The following RBFOX1 variants were observed in gnomAD, a reference collection of about 807,000 sequenced individuals.
RBFOX1 encodes the protein RNA binding protein fox-1 homolog 1.
Under a neutral mutation model 57.7 loss-of-function variants are expected in RBFOX1, and 8 were observed. The ratio of observed to expected loss-of-function variants is 0.14; its 90% CI spans 0.08 to 0.25. The LOEUF (loss-of-function observed/expected upper bound fraction) is 0.25, where lower values mean the gene tolerates loss of function less well. Among genes scored for constraint, RBFOX1 ranks in the 10% least tolerant of loss-of-function variants. The probability of loss-of-function intolerance (pLI) is 1.00; values close to 1 mark genes in which losing one functional copy is unlikely to be tolerated. For synonymous variants in RBFOX1, 326 were observed against 222.4 expected (o/e 1.47, Z -4.15); for missense variants, 611 against 548.5 (o/e 1.11, Z -1.14).
chr16:7,441,031 C>G (rs549878005), intron 4 of RBFOX1, among the ~76,000 whole-genome samples: 3 of 146,600 alleles, frequency 2.0e-5, no homozygotes, highest in African/African-American at 7.9e-5. Context: ...GACAGAGGAC[C>G]CATTTCTTAA....
At chr16:5,697,104 A>T in intron 3 of RBFOX1, among the ~76,000 whole-genome samples, 1 of 152,110 alleles carries the variant, frequency 6.6e-6, no homozygotes, top group East Asian at 1.9e-4. Context: ...GTGAAGGGGT[A>T]GTTTTTTCTC....
At chr16:6,698,789 A>C (rs1432936882) in intron 3 of RBFOX1, among the ~76,000 whole-genome samples, 4 of 152,176 alleles carry the variant, frequency 2.6e-5, no homozygotes, top group Non-Finnish European at 4.4e-5. Context: ...TCTAAGCATT[A>C]TGCAATGGTG....
chr16:7,055,562 C>A (rs1026076464), intron 4 of RBFOX1, among the ~76,000 whole-genome samples: 2 of 152,130 alleles, frequency 1.3e-5, no homozygotes, highest in Non-Finnish European at 2.9e-5. Flanking sequence ...CTCCTTCACA[C>A]GTCTTGCATT....
At chr16:5,674,685 C>T (rs1162737601) in intron 3 of RBFOX1, among the ~76,000 whole-genome samples, 2 of 152,104 alleles carry the variant, frequency 1.3e-5, no homozygotes, top group South Asian at 2.1e-4. Context: ...TAATACGTGG[C>T]GAATGCATGG....
intron 4 of RBFOX1, among the ~76,000 whole-genome samples, chr16:7,467,476 A>G (rs796066952): frequency 5.3e-5 from 8 of 152,222 alleles, no homozygotes; most frequent in African/African-American, 1.7e-4. Context: ...CAGAGAGAAC[A>G]TTCAACCCTT....
chr16:6,480,075 G>T (rs2095348988), intron 2 of RBFOX1, among the ~76,000 whole-genome samples: 1 of 151,090 alleles, frequency 6.6e-6, no homozygotes, highest in African/African-American at 2.4e-5. Flanking sequence ...AAAATCACTG[G>T]TCTAGAAAAA....
intron 4 of RBFOX1, among the ~76,000 whole-genome samples, chr16:7,180,434 A>C (rs2152517878): frequency 6.6e-6 from 1 of 152,276 alleles, no homozygotes; most frequent in Admixed American, 6.5e-5. Flanking sequence ...ATGCCGGGCA[A>C]GGTGAAGCCC....
At chr16:6,936,237 G>C (rs2077347054) in intron 3 of RBFOX1, among the ~76,000 whole-genome samples, 1 of 152,204 alleles carries the variant, frequency 6.6e-6, no homozygotes, top group East Asian at 1.9e-4. Flanking sequence ...AATAAATTAA[G>C]GGATGCTGGA....
intron 3 of RBFOX1, among the ~76,000 whole-genome samples, chr16:5,756,681 C>T (rs1031923447): frequency 9.2e-5 from 14 of 152,138 alleles, no homozygotes; most frequent in African/African-American, 3.1e-4. Flanking sequence ...CTAATTTCCT[C>T]AATTTGTACT....
chr16:7,445,121 G>A (rs917559693), intron 4 of RBFOX1, among the ~76,000 whole-genome samples: 30 of 151,962 alleles, frequency 2.0e-4, no homozygotes, highest in African/African-American at 6.3e-4. Flanking sequence ...GATGAGGAAT[G>A]TGGTACAGGG....
chr16:6,847,114 C>T (rs1490765541), intron 3 of RBFOX1, among the ~76,000 whole-genome samples: 2 of 152,192 alleles, frequency 1.3e-5, no homozygotes, highest in Non-Finnish European at 1.5e-5. Context: ...TCAGTCAACC[C>T]TGCTCAGAGA....
intron 4 of RBFOX1, among the ~76,000 whole-genome samples, chr16:7,255,606 C>A (rs1260892857): frequency 6.6e-6 from 1 of 151,892 alleles, no homozygotes; most frequent in East Asian, 1.9e-4. Flanking sequence ...TGGGCGTATC[C>A]CTAAGCAAGG....
chr16:7,521,664 C>T (rs199563861), intron 5 of RBFOX1, among the ~76,000 whole-genome samples: 13 of 152,180 alleles, frequency 8.5e-5, no homozygotes, highest in South Asian at 4.1e-4. Context: ...ATTATGATAA[C>T]GTGCCAAATT....
At chr16:6,092,364 G>T (rs2096187838) in intron 1 of RBFOX1, 1 of 152,166 alleles carries the variant, frequency 6.6e-6, no homozygotes, top group Admixed American at 6.5e-5. Context: ...AGGCTGGGAT[G>T]AATCCCTGGC....
chr16:5,864,779 G>A (rs937407490), intron 3 of RBFOX1, among the ~76,000 whole-genome samples: 2 of 152,072 alleles, frequency 1.3e-5, no homozygotes, highest in Non-Finnish European at 2.9e-5. Flanking sequence ...GGCTAGAACC[G>A]TGTTTTGCCT....
chr16:5,432,495 T>C (rs934158732), intron 1 of RBFOX1, among the ~76,000 whole-genome samples: 10 of 151,840 alleles, frequency 6.6e-5, no homozygotes, highest in Non-Finnish European at 8.8e-5. Context: ...GCTCTTATTT[T>C]CTATGATTTC....
chr16:6,484,612 C>T (rs1391359359), intron 2 of RBFOX1, among the ~76,000 whole-genome samples: 1 of 152,100 alleles, frequency 6.6e-6, no homozygotes, highest in Non-Finnish European at 1.5e-5. Context: ...GATCACCTAG[C>T]CTCTCAAGCA....
At chr16:6,543,461 C>G (rs1385695815) in intron 2 of RBFOX1, among the ~76,000 whole-genome samples, 1 of 152,142 alleles carries the variant, frequency 6.6e-6, no homozygotes. Context: ...TCTTTCTTGA[C>G]TCTGACATGT....
chr16:6,196,256 G>A (rs903822728), intron 1 of RBFOX1, among the ~76,000 whole-genome samples: 5 of 152,120 alleles, frequency 3.3e-5, no homozygotes, highest in African/African-American at 1.2e-4. Context: ...TCCTAAGCTC[G>A]TGCTTTTTTT....
Sources: allele counts gnomAD v4.1 joint callset (sites outside exome capture counted in the v4.1 genomes callset), GRCh38; gene constraint gnomAD v4.1.1; transcripts MANE v1.5; gene names NCBI Gene and HGNC (gene_info 2026-07-23, HGNC 2026-07-21).